CRACDL: variants seen among roughly 807,000 people sequenced by gnomAD.
CRACDL encodes CRACD-like protein.
In CRACDL, 26 loss-of-function variants were observed where a neutral mutation model predicts 70.6. The observed-to-expected ratio is 0.37, with a 90% CI of 0.27 to 0.51. The LOEUF is 0.51. Ranked by LOEUF, CRACDL falls within the 20% of genes least tolerant of loss-of-function variation. CRACDL has a pLI of 0.94. For synonymous variants in CRACDL, 618 were observed against 615.2 expected (o/e 1.00, Z -0.07); for missense variants, 1,283 against 1,376.9 (o/e 0.93, Z 1.08).
intron 1 of CRACDL, among the ~76,000 whole-genome samples, chr2:98,847,970 G>T (rs903129837): frequency 6.6e-6 from 1 of 152,100 alleles, no homozygotes; most frequent in African/African-American, 2.4e-5. Context: ...CTCAAAAGCT[G>T]AACAAAGTTT....
intron 7 of CRACDL, among the ~76,000 whole-genome samples, chr2:98,806,140 G>T (rs1009031811): frequency 2.6e-5 from 4 of 152,352 alleles, no homozygotes; most frequent in African/African-American, 9.6e-5. Context: ...CAGGGCAGGA[G>T]TTTGCTCAGG....
intron 1 of CRACDL, among the ~76,000 whole-genome samples, chr2:98,889,336 A>G (rs148539980): frequency 2.6e-5 from 3 of 114,252 alleles, no homozygotes; most frequent in Non-Finnish European, 3.8e-5. Flanking sequence ...AGAAAGAAAG[A>G]AAGAAAGGAA....
At chr2:98,860,944 G>C (rs1706911081) in intron 1 of CRACDL, among the ~76,000 whole-genome samples, 1 of 152,166 alleles carries the variant, frequency 6.6e-6, no homozygotes, top group Non-Finnish European at 1.5e-5. Flanking sequence ...CAAAGGATTT[G>C]AACATAACTT....
chr2:98,796,050 A>G, intron 9 of CRACDL, 70 bp downstream of exon 9: 1 of 1,528,420 alleles, frequency 6.5e-7, no homozygotes, highest in Non-Finnish European at 9.1e-7. Context: ...AACCAAACCA[A>G]AACTCAAACT....
At chr2:98,837,658 A>AT (rs905745540) in intron 3 of CRACDL, among the ~76,000 whole-genome samples, 8 of 151,802 alleles carry the variant, frequency 5.3e-5, no homozygotes, top group Non-Finnish European at 1.0e-4. Flanking sequence ...TTTTTGGATG[A>AT]TTTTTTTTCT....
chr2:98,883,830 A>C (rs545583502), intron 1 of CRACDL, among the ~76,000 whole-genome samples: 1 of 152,210 alleles, frequency 6.6e-6, no homozygotes, highest in African/African-American at 2.4e-5. Flanking sequence ...TTTAGGACCG[A>C]ATGAGATGAT....
chr2:98,821,804 G>A (rs1705041567), intron 7 of CRACDL, 53 bp downstream of exon 7: 2 of 1,581,494 alleles, frequency 1.3e-6, no homozygotes, highest in Admixed American at 3.8e-5. Context: ...ATGTGCCCGT[G>A]GATGTGGATC....
Position 98,794,526 on chromosome 2 carries a change from G to A in CRACDL, c.*6C>T. 1.9e-6 allele frequency: 3 copies of A among 1,613,500 alleles called. No homozygotes were observed. The highest frequency in any genetic ancestry group is 1.1e-5 in the South Asian group (1 of 91,026). ...AGTGGACATGCTTTATCAGCACACT[G>A]CCCACCTATTTTATAATCTGGGGCA... On this transcript the variant is annotated 3_prime_UTR_variant, in exon 10 of 10. Transcript: ENST00000397899.
chr2:98,923,740 G>T (rs1708854617), intron 1 of CRACDL, among the ~76,000 whole-genome samples: 1 of 152,162 alleles, frequency 6.6e-6, no homozygotes, highest in African/African-American at 2.4e-5. Context: ...TCTTTTTGCT[G>T]ATATGCATTT....
intron 1 of CRACDL, among the ~76,000 whole-genome samples, chr2:98,893,047 C>A (rs995722704): frequency 1.3e-5 from 2 of 152,230 alleles, no homozygotes; most frequent in Middle Eastern, 6.3e-3. Flanking sequence ...TCACCCCTTG[C>A]AGGAGCATCT....
intron 1 of CRACDL, among the ~76,000 whole-genome samples, chr2:98,891,376 CAAA>C (rs548988640): frequency 2.1e-3 from 80 of 37,882 alleles, no homozygotes; most frequent in Non-Finnish European, 2.8e-3. Flanking sequence ...GACTCCGTCT[CAAA>C]AAAAAAAAAA....
intron 7 of CRACDL, among the ~76,000 whole-genome samples, chr2:98,808,829 C>T (rs775113145): frequency 4.6e-5 from 7 of 152,324 alleles, no homozygotes; most frequent in Non-Finnish European, 7.3e-5. Flanking sequence ...TAATGGCTGC[C>T]GTGGAGAAAG....
intron 7 of CRACDL, among the ~76,000 whole-genome samples, 200 bp from the exon 8 acceptor site, chr2:98,797,737 A>G (rs1703889013): frequency 2.0e-5 from 3 of 152,214 alleles, no homozygotes; most frequent in Admixed American, 1.3e-4. Flanking sequence ...GAGCCCCACA[A>G]AATTAAATGC....
Position 98,822,464 on chromosome 2 carries a change from G to T in CRACDL, c.1809C>A (p.Ser603Arg). ...RASGRLPLARSGPVWRSEAAL... is the reference protein window; with the variant it reads ...RASGRLPLARRGPVWRSEAAL... ...CCGCCTCGCTCCTCCAGACCGGGCC[G>T]CTCCTCGCGAGGGGCAGGCGGCCGC... Residue 603 changes from serine to arginine, a missense_variant, in exon 7 of 10, where the codon AGC becomes AGA. This residue lies in a region of CRACDL where 921 missense variants were observed against 881.9 expected (regional missense o/e 1.04). Transcript: ENST00000397899. This position sits in a 1 kb window ranked among gnomAD's most constrained non-coding sequence, Gnocchi z 4.9. 8.8e-6 allele frequency: 13 copies of T among 1,476,204 alleles called. No homozygotes were observed. The highest frequency in any genetic ancestry group is 1.2e-5 in the Non-Finnish European group (13 of 1,121,570). The allele number at this position is 1,476,204 out of a possible 1,614,324, so 91.4% of individuals were successfully genotyped here. A position where few individuals can be genotyped will look rare whatever the true frequency, so the allele number is the denominator to read the frequency against.
rs1705119191 is a variant in CRACDL, at chr2:98,822,669, G to A, written c.1604C>T (p.Ala535Val). The change falls in exon 7 of 10, where the codon GCC becomes GTC. Residue 535 changes from alanine (A) to valine (V), a missense_variant. Ala to Val is a moderately conservative substitution (Grantham distance 64). Around this residue, in one of 2 missense-constraint regions of CRACDL, gnomAD observed 921 missense variants for 881.9 expected, o/e 1.04. Coordinates refer to ENST00000397899, the MANE Select transcript of CRACDL (RefSeq NM_207362.3). This position sits in a 1 kb window ranked among gnomAD's most constrained non-coding sequence, Gnocchi z 4.9. Reference protein sequence around the residue: ...PGPGSLDAEAAAPERPKAERA... With the variant: ...PGPGSLDAEAVAPERPKAERA... Reference sequence around the variant, plus strand: ...CTCGGCCTTGGGGCGCTCCGGGGCGGCGGCCTCTGCGTCGAGGGAACCGGG... The same window carrying A: ...CTCGGCCTTGGGGCGCTCCGGGGCGACGGCCTCTGCGTCGAGGGAACCGGG... The A allele has an allele frequency of 3.1e-6, 4 of 1,282,774 alleles. No individual in the cohort carries two copies. The Admixed American group carries it at 1.3e-4, about 41-fold the overall frequency. The allele number at this position is 1,282,774 out of a possible 1,614,324, so 79.5% of individuals were successfully genotyped here.
At chr2:98,806,737 T>G (rs1049734252) in intron 7 of CRACDL, among the ~76,000 whole-genome samples, 16 of 152,242 alleles carry the variant, frequency 1.1e-4, no homozygotes, top group Non-Finnish European at 1.8e-4. Context: ...AACTTTGAGC[T>G]AGAGCACGAT....
chr2:98,869,916 T>C (rs559346652), intron 1 of CRACDL, among the ~76,000 whole-genome samples: 12 of 152,278 alleles, frequency 7.9e-5, no homozygotes, highest in African/African-American at 1.4e-4. Flanking sequence ...GTTGCACTGA[T>C]GGGATTTCCA....
At chr2:98,846,093 T>C (rs1249652688) in intron 2 of CRACDL, among the ~76,000 whole-genome samples, 1 of 152,182 alleles carries the variant, frequency 6.6e-6, no homozygotes, top group Non-Finnish European at 1.5e-5. Context: ...ATGGCAAATC[T>C]AGAGAAAAGG....
intron 1 of CRACDL, among the ~76,000 whole-genome samples, chr2:98,933,531 A>T (rs1709135155): frequency 6.6e-6 from 1 of 152,184 alleles, no homozygotes; most frequent in Non-Finnish European, 1.5e-5. Flanking sequence ...AATCAAGCTC[A>T]CTTACACAAA....
Sources: gnomAD v4.1 joint callset for allele counts (sites outside exome capture counted in the v4.1 genomes callset) on GRCh38, gnomAD v4.1.1 for gene constraint, gnomAD v4.1.1 regional missense constraint, Gnocchi (gnomAD v3.1) non-coding constraint, MANE v1.5 for transcripts, NCBI Gene and HGNC (gene_info 2026-07-23, HGNC 2026-07-21) for gene names.